Variants in HDAC9 observed in about 807,000 individuals in gnomAD.
The protein encoded by HDAC9 is histone deacetylase 9.
In HDAC9, 41 loss-of-function variants were observed where a neutral mutation model predicts 139.4. The observed-to-expected ratio is 0.29, with a 90% CI of 0.23 to 0.38. The LOEUF (loss-of-function observed/expected upper bound fraction) is 0.38. Ranked by LOEUF, HDAC9 falls within the 10% of genes least tolerant of loss-of-function variation. The probability of loss-of-function intolerance (pLI) is 1.00; values close to 1 mark genes in which losing one functional copy is unlikely to be tolerated. For synonymous variants in HDAC9, 517 were observed against 476.2 expected (o/e 1.09, Z -1.12); for missense variants, 1,147 against 1,297.0 (o/e 0.88, Z 1.78).
chr7:18,782,431 G>C (rs2129171590), intron 16 of HDAC9, among the ~76,000 whole-genome samples: 1 of 152,106 alleles, frequency 6.6e-6, no homozygotes, highest in South Asian at 2.1e-4. Flanking sequence ...TCCACTTTCA[G>C]GACAGGTAGC....
chr7:18,857,333 A>AG (rs1275825195), intron 21 of HDAC9, among the ~76,000 whole-genome samples: 4 of 86,490 alleles, frequency 4.6e-5, no homozygotes. Context: ...AATATGTTTT[A>AG]GTTGTGTGTG....
intron 2 of HDAC9, among the ~76,000 whole-genome samples, chr7:18,185,524 A>C (rs1789840059): frequency 6.6e-6 from 1 of 152,206 alleles, no homozygotes; most frequent in Admixed American, 6.5e-5. Context: ...TATGAAAACT[A>C]AACTTTTAGT....
At chr7:18,506,837 G>C (rs1161398306) in intron 2 of HDAC9, among the ~76,000 whole-genome samples, 10 of 152,116 alleles carry the variant, frequency 6.6e-5, no homozygotes, top group Admixed American at 4.6e-4. Flanking sequence ...CTCAGCATAT[G>C]AGAAAAGTAA....
rs1185890658 is a variant in HDAC9 at position 18,975,936 on chromosome 7, T to A, written c.3153T>A (p.Phe1051Leu). Residue 1051 changes from phenylalanine to leucine, a missense_variant, in exon 25 of 26, where the codon TTT becomes TTA. This residue lies in a region of HDAC9 where 407 missense variants were observed against 521.5 expected (regional missense o/e 0.78). Coordinates refer to ENST00000686413, the MANE Select transcript of HDAC9 (RefSeq NM_178425.4). ...ASLTVDVEQPFAQEDSRTAGE... is the reference protein window; with the variant it reads ...ASLTVDVEQPLAQEDSRTAGE... ...TAACAGTGGATGTGGAACAGCCCTT[T>A]GCTCAGGAAGACAGCAGGTATGAAT... 1 of 1,613,744 alleles carries A rather than the reference T, an allele frequency of 6.2e-7. No individual in the cohort carries two copies. Among genetic ancestry groups the A allele is most frequent in the South Asian group, 1.1e-5 (1 of 91,066 alleles).
At chr7:18,222,008 G>A (rs190066302) in intron 2 of HDAC9, among the ~76,000 whole-genome samples, 98 of 152,238 alleles carry the variant, frequency 6.4e-4, no homozygotes, top group African/African-American at 2.3e-3. Context: ...TAATGATCAT[G>A]AATTTTCCAT....
At chr7:18,342,607 C>T (rs1371314790) in intron 1 of HDAC9, among the ~76,000 whole-genome samples, 1 of 151,782 alleles carries the variant, frequency 6.6e-6, no homozygotes, top group African/African-American at 2.4e-5. Flanking sequence ...ACCTCTCTGC[C>T]TCAATTCCCT....
chr7:18,526,800 A>G (rs1807084039), intron 2 of HDAC9, among the ~76,000 whole-genome samples: 1 of 152,154 alleles, frequency 6.6e-6, no homozygotes, highest in South Asian at 2.1e-4. Context: ...ACAGCCTGAG[A>G]GAAAAGGATA....
At chr7:18,313,116 G>A (rs1156775392) in intron 1 of HDAC9, among the ~76,000 whole-genome samples, 2 of 152,014 alleles carry the variant, frequency 1.3e-5, no homozygotes, top group East Asian at 1.9e-4. Context: ...TCAGCTTTAC[G>A]AAGAAAACAT....
chr7:18,241,937 A>G (rs985808941), intron 2 of HDAC9, among the ~76,000 whole-genome samples: 34 of 152,180 alleles, frequency 2.2e-4, no homozygotes, highest in African/African-American at 7.2e-4. Context: ...TGCTTCTGTT[A>G]TATAACCACA....
intron 22 of HDAC9, among the ~76,000 whole-genome samples, chr7:18,915,489 C>T (rs1018862969): frequency 6.6e-6 from 1 of 151,502 alleles, no homozygotes; most frequent in African/African-American, 2.4e-5. Flanking sequence ...TAAGGTCGAG[C>T]TTAAAGGAAA....
chr7:18,711,385 A>G (rs1246733802), intron 12 of HDAC9, among the ~76,000 whole-genome samples: 3 of 152,218 alleles, frequency 2.0e-5, no homozygotes, highest in South Asian at 2.1e-4. Context: ...TAGTCTGACT[A>G]CTGGAGTTTA....
chr7:18,894,835 G>A (rs1281882379), intron 22 of HDAC9, among the ~76,000 whole-genome samples: 3 of 152,112 alleles, frequency 2.0e-5, no homozygotes, highest in Non-Finnish European at 4.4e-5. Context: ...TGAGTTCTAG[G>A]ACACAGGTAG....
At chr7:18,308,802 CA>C (rs1205978269) in intron 1 of HDAC9, among the ~76,000 whole-genome samples, 1 of 152,162 alleles carries the variant, frequency 6.6e-6, no homozygotes, top group African/African-American at 2.4e-5. Context: ...AATTTAAACT[CA>C]AATTCTGGGG....
In HDAC9 at chr7:18,188,145, A is replaced by G. The variant is rs1207436913; in HGVS notation, c.25+25796A>G. 2.6e-5 allele frequency among the ~76,000 whole-genome samples: 4 copies of G among 152,228 alleles called. No homozygotes were observed. In the East Asian group the frequency reaches 7.7e-4, roughly 29 times the overall value. On this transcript the variant is annotated intron_variant, in intron 2 of 12. Transcript: ENST00000417496. Reference sequence around the variant, plus strand: ...AAAACAGCATGGTACTGGTACCAAGACAGACATATAGACCAATGGAGCAGA... The same window carrying G: ...AAAACAGCATGGTACTGGTACCAAGGCAGACATATAGACCAATGGAGCAGA...
At chr7:18,768,555 G>A (rs1790020862) in intron 16 of HDAC9, among the ~76,000 whole-genome samples, 1 of 152,110 alleles carries the variant, frequency 6.6e-6, no homozygotes, top group Non-Finnish European at 1.5e-5. Flanking sequence ...GGAAAGCAGA[G>A]GATAAGCTGA....
At chr7:18,577,354 C>T (rs891020939) in intron 2 of HDAC9, among the ~76,000 whole-genome samples, 2 of 152,202 alleles carry the variant, frequency 1.3e-5, no homozygotes, top group Non-Finnish European at 2.9e-5. Context: ...ACATGCTCTT[C>T]TGCTCTGAGT....
intron 15 of HDAC9, among the ~76,000 whole-genome samples, chr7:18,763,250 GT>G (rs1789542219): frequency 1.3e-5 from 2 of 152,176 alleles, no homozygotes; most frequent in South Asian, 4.1e-4. Flanking sequence ...GAAAGCAATT[GT>G]AAGGAAGAAT....
At chr7:18,824,361 A>G (rs879847391) in intron 17 of HDAC9, among the ~76,000 whole-genome samples, 1 of 152,200 alleles carries the variant, frequency 6.6e-6, no homozygotes, top group Non-Finnish European at 1.5e-5. Context: ...AAGAGACAAG[A>G]TGACTAAGTG....
At chr7:18,452,743 C>G (rs1386900373) in intron 1 of HDAC9, among the ~76,000 whole-genome samples, 2 of 152,104 alleles carry the variant, frequency 1.3e-5, no homozygotes, top group East Asian at 3.9e-4. Flanking sequence ...GGGCAGTTCC[C>G]CTGCACATGC....
Sources: allele counts gnomAD v4.1 joint callset (sites outside exome capture counted in the v4.1 genomes callset), GRCh38; gene constraint gnomAD v4.1.1; regional missense constraint gnomAD v4.1.1; transcripts MANE v1.5; gene names NCBI Gene and HGNC (gene_info 2026-07-23, HGNC 2026-07-21).